The following WDFY2 variants were observed in gnomAD, a reference collection of about 807,000 sequenced individuals.
WDFY2 encodes the protein WD repeat and FYVE domain-containing protein 2.
A neutral mutation model predicts 56.4 loss-of-function variants in WDFY2; 36 were observed. The ratio of observed to expected loss-of-function variants is 0.64; its 90% CI spans 0.49 to 0.84. The LOEUF (loss-of-function observed/expected upper bound fraction) is 0.84, where lower values mean the gene tolerates loss of function less well. Ranked by LOEUF, WDFY2 falls within the 40% of genes least tolerant of loss-of-function variation. WDFY2 has a pLI of 0.00. For missense variants in WDFY2, 444 were observed against 512.2 expected (o/e 0.87, Z 1.29); for synonymous variants, 176 against 183.7 (o/e 0.96, Z 0.34).
intron 4 of WDFY2, among the ~76,000 whole-genome samples, chr13:51,718,718 T>A (rs1952421470): frequency 6.6e-6 from 1 of 152,210 alleles, no homozygotes; most frequent in East Asian, 1.9e-4. Context: ...TTTGTATGGC[T>A]TTATAAGACA....
chr13:51,685,448 G>A (rs948667011), intron 3 of WDFY2, among the ~76,000 whole-genome samples: 9 of 152,112 alleles, frequency 5.9e-5, no homozygotes, highest in African/African-American at 2.2e-4. Context: ...CTGTTGACTG[G>A]AAGCCTTACT....
intron 3 of WDFY2, among the ~76,000 whole-genome samples, chr13:51,681,269 A>G (rs1341754241): frequency 2.6e-5 from 4 of 152,216 alleles, no homozygotes; most frequent in Non-Finnish European, 4.4e-5. Context: ...ATCAGTCATC[A>G]TGATGCATTC....
At position 51,759,921 on chromosome 13, in the gene WDFY2, G is replaced by A. The variant is rs1422841021; in HGVS notation, c.*152G>A. On this transcript the variant is annotated 3_prime_UTR_variant, in exon 12 of 12. Transcript: ENST00000298125. ...TGCAGATTACCCATGTGCACAGTGG[G>A]GACCTGGCCAGTGAGCACTCGCAAG... 5 of 740,118 alleles carry A rather than the reference G, an allele frequency of 6.8e-6. No individual in the cohort carries two copies. The highest frequency in any genetic ancestry group is 8.8e-6 in the Non-Finnish European group (4 of 453,162). 45.8% of individuals were successfully genotyped at this position (740,118 alleles called of 1,614,324 possible).
At chr13:51,730,625 G>A (rs561106424) in intron 6 of WDFY2, among the ~76,000 whole-genome samples, 7 of 152,308 alleles carry the variant, frequency 4.6e-5, no homozygotes, top group South Asian at 2.1e-4. Context: ...AGCACCTTGC[G>A]CTTCTGGGAA....
At chr13:51,746,354 C>CA (rs1166076375) in intron 7 of WDFY2, among the ~76,000 whole-genome samples, 1 of 152,220 alleles carries the variant, frequency 6.6e-6, no homozygotes, top group Admixed American at 6.5e-5. Context: ...TTGAATTCCT[C>CA]AAAGTTTCCA....
Position 51,755,377 on chromosome 13 carries a change from G to A in WDFY2, c.851G>A (p.Ser284Asn), listed in dbSNP as rs1212179871. The A allele has an allele frequency of 6.2e-7, 1 of 1,614,214 alleles. No homozygotes were observed. Among genetic ancestry groups the A allele is most frequent in the East Asian group, 2.2e-5 (1 of 44,890 alleles). ...ERQETPEWLD[S>N]DSCQKCDQPF... ...GACAAGACCCCTGAATGGTTGGACA[G>A]TGATTCCTGCCAAAAGTGTGATCAG... Residue 284 changes from serine (S) to asparagine (N), a missense_variant, in exon 9 of 12, where the codon AGT becomes AAT. Transcript: ENST00000298125.
intron 7 of WDFY2, among the ~76,000 whole-genome samples, chr13:51,742,871 C>G (rs1953006142): frequency 6.6e-6 from 1 of 152,210 alleles, no homozygotes; most frequent in African/African-American, 2.4e-5. Flanking sequence ...TTCTCTCTTA[C>G]TACTCTTACC....
At chr13:51,589,632 C>T (rs1391436099) in intron 1 of WDFY2, 1 of 152,126 alleles carries the variant, frequency 6.6e-6, no homozygotes, top group Non-Finnish European at 1.5e-5. Flanking sequence ...GCACAATTTT[C>T]TTAAGAAATG....
At chr13:51,675,847 A>G (rs1323756103) in intron 3 of WDFY2, among the ~76,000 whole-genome samples, 4 of 152,234 alleles carry the variant, frequency 2.6e-5, no homozygotes, top group Non-Finnish European at 5.9e-5. Flanking sequence ...GTGATTAAAG[A>G]TTGGAATTTT....
intron 3 of WDFY2, among the ~76,000 whole-genome samples, chr13:51,700,857 C>T (rs1207378976): frequency 6.6e-6 from 1 of 152,050 alleles, no homozygotes; most frequent in Non-Finnish European, 1.5e-5. Flanking sequence ...ATCCCAACTA[C>T]TCGGGAGGCT....
At position 51,584,741 on chromosome 13, in the gene WDFY2, G is replaced by A. The variant is rs769172613; in HGVS notation, c.54G>A (p.Gln18=). ...TGACCCGCAAGCCGATCCTGCTGCA[G>A]CGGATGGAGGGGTCCCAGGAGGTGG... ...KPLTRKPILL[Q]RMEGSQEVVN... Residue 18 remains glutamine, a synonymous_variant, in exon 1 of 12, where the codon CAG becomes CAA. Transcript: ENST00000298125. 4 of 1,613,880 alleles carry A rather than the reference G, an allele frequency of 2.5e-6. No individual in the cohort carries two copies. Among genetic ancestry groups the A allele is most frequent in the Non-Finnish European group, 3.4e-6 (4 of 1,179,794 alleles).
At chr13:51,685,033 C>A (rs1372479969) in intron 3 of WDFY2, among the ~76,000 whole-genome samples, 1 of 152,166 alleles carries the variant, frequency 6.6e-6, no homozygotes, top group Admixed American at 6.5e-5. Context: ...CACCAAACTT[C>A]AAACTTTTTG....
rs960130967 is a variant in WDFY2 at position 51,584,514 on chromosome 13, G to A, written c.-174G>A. The A allele has an allele frequency of 4.6e-6, 4 of 865,502 alleles. No homozygotes were observed. In the African/African-American group the frequency reaches 5.2e-5, roughly 11 times the overall value. The allele number at this position is 865,502 out of a possible 1,614,324, so 53.6% of individuals were successfully genotyped here. ...CGTGGCGGTTTTGGTGCCTGAAGCA[G>A]GGAGCGCGGAGTCGTTCCCGAGAGA... On this transcript the variant is annotated 5_prime_UTR_variant, in exon 1 of 12. Coordinates refer to ENST00000298125, the MANE Select transcript of WDFY2 (RefSeq NM_052950.4).
chr13:51,660,822 G>T (rs1593952100), intron 2 of WDFY2, among the ~76,000 whole-genome samples, 159 bp downstream of exon 2: 1 of 152,174 alleles, frequency 6.6e-6, no homozygotes, highest in African/African-American at 2.4e-5. Flanking sequence ...CTTTCACTAT[G>T]TAAAGTAAGA....
chr13:51,701,896 A>G (rs901901964), intron 3 of WDFY2, among the ~76,000 whole-genome samples: 2 of 152,236 alleles, frequency 1.3e-5, no homozygotes, highest in Admixed American at 6.5e-5. Flanking sequence ...GTTGGGGGTC[A>G]GGGTCAAGGT....
Position 51,726,042 on chromosome 13 carries a change from A to T in WDFY2, c.486-1636A>T, listed in dbSNP as rs187525590. ...TCTAAAATAGGAACTATGACAAGGG[A>T]GAAGTCTCACTGCCATCACTGTCCC... On this transcript the variant is annotated intron_variant, in intron 5 of 11. Coordinates refer to ENST00000298125, the MANE Select transcript of WDFY2 (RefSeq NM_052950.4). Among the ~76,000 whole-genome samples the T allele has an allele frequency of 3.3e-5, 5 of 152,330 alleles. No individual in the cohort carries two copies. The East Asian group carries it at 9.6e-4, about 29-fold the overall frequency.
At chr13:51,653,725 T>C (rs567610774) in intron 1 of WDFY2, among the ~76,000 whole-genome samples, 56 of 136,392 alleles carry the variant, frequency 4.1e-4, no homozygotes, top group African/African-American at 1.5e-3. Flanking sequence ...GCAGTGAATA[T>C]TGGTGAACAG....
At chr13:51,628,249 A>T (rs1367005721) in intron 1 of WDFY2, among the ~76,000 whole-genome samples, 3 of 152,160 alleles carry the variant, frequency 2.0e-5, no homozygotes, top group African/African-American at 7.2e-5. Context: ...TCAGTGCCCA[A>T]AGTTTCAGAG....
In WDFY2 at chr13:51,766,053, A is replaced by G. The variant is rs1209801286; in HGVS notation, c.*6284A>G. Reference sequence around the variant, plus strand: ...GAAAATGATTTGAAAAATGTTTCACATATACACTTTTTATCATTTTAGTGG... The same window carrying G: ...GAAAATGATTTGAAAAATGTTTCACGTATACACTTTTTATCATTTTAGTGG... On this transcript the variant is annotated 3_prime_UTR_variant, in exon 12 of 12. Transcript: ENST00000298125. The G allele has an allele frequency of 5.9e-5, 9 of 152,238 alleles. No homozygotes were observed. Among genetic ancestry groups the G allele is most frequent in the African/African-American group, 1.7e-4 (7 of 41,456 alleles). 9.4% of individuals were successfully genotyped at this position (152,238 alleles called of 1,614,324 possible).
Sources: gnomAD v4.1 joint callset for allele counts (sites outside exome capture counted in the v4.1 genomes callset) on GRCh38, gnomAD v4.1.1 for gene constraint, MANE v1.5 for transcripts, NCBI Gene and HGNC (gene_info 2026-07-23, HGNC 2026-07-21) for gene names.